The following ARHGEF6 variants were observed in gnomAD, a reference collection of about 807,000 sequenced individuals.
The protein encoded by ARHGEF6 is rho guanine nucleotide exchange factor 6.
ARHGEF6 carries 9 observed loss-of-function variants against 70.3 expected under a neutral mutation model. The observed-to-expected ratio is 0.13, with a 90% CI of 0.08 to 0.22. The LOEUF (loss-of-function observed/expected upper bound fraction) is 0.22, where lower values mean the gene tolerates loss of function less well. Ranked by LOEUF, ARHGEF6 falls within the 10% of genes least tolerant of loss-of-function variation. The probability of loss-of-function intolerance (pLI) is 1.00; values close to 1 mark genes in which losing one functional copy is unlikely to be tolerated. For synonymous variants in ARHGEF6, 201 were observed against 207.8 expected (o/e 0.97, Z 0.28); for missense variants, 470 against 563.0 (o/e 0.83, Z 1.67).
intron 6 of ARHGEF6, among the ~76,000 whole-genome samples, chrX:136,717,242 A>G (rs980975475): frequency 8.9e-6 from 1 of 112,427 alleles, no homozygotes; most frequent in Non-Finnish European, 1.9e-5. Flanking sequence ...GTTTATCTAT[A>G]CAGAAGTTCA....
At chrX:136,675,314 A>G (rs1161368981) in intron 18 of ARHGEF6, among the ~76,000 whole-genome samples, 2 of 98,349 alleles carry the variant, frequency 2.0e-5, no homozygotes, top group African/African-American at 7.7e-5. Flanking sequence ...TGGAGGGCCT[A>G]CTCCTGAAGC....
At chrX:136,712,182 C>T (rs1369097777) in intron 7 of ARHGEF6, among the ~76,000 whole-genome samples, 1 of 111,698 alleles carries the variant, frequency 9.0e-6, no homozygotes, top group Non-Finnish European at 1.9e-5. Context: ...GATTTTGGCT[C>T]ACTGCAGCCT....
At position 136,707,045 on chromosome X, in the gene ARHGEF6, G is replaced by A. The variant is rs970081487; in HGVS notation, c.924-15C>T. ...TTTCTGGAAACCTGTAAACAAAATGGACAAAACACAGAATGTAAAATAGGA... is the reference window on the plus strand; with the variant it reads ...TTTCTGGAAACCTGTAAACAAAATGAACAAAACACAGAATGTAAAATAGGA... On this transcript the variant is annotated splice_polypyrimidine_tract_variant and intron_variant, in intron 8 of 21. Coordinates refer to ENST00000250617, the MANE Select transcript of ARHGEF6 (RefSeq NM_004840.3). The A allele has an allele frequency of 8.3e-7, 1 of 1,209,583 alleles. No homozygotes were observed. The highest frequency in any genetic ancestry group is 1.1e-6 in the Non-Finnish European group (1 of 893,782).
chrX:136,712,212 G>A (rs2148621676), intron 7 of ARHGEF6, among the ~76,000 whole-genome samples: 1 of 111,575 alleles, frequency 9.0e-6, no homozygotes. Context: ...AGGCTCAAGC[G>A]ATTCTCCTGC....
chrX:136,681,945 C>T lies in ARHGEF6; in HGVS notation c.1503G>A (p.Thr501=). The change falls in exon 14 of 22, where the codon ACG becomes ACA. Residue 501 remains threonine (T), a synonymous_variant. Coordinates refer to ENST00000250617, the MANE Select transcript of ARHGEF6 (RefSeq NM_004840.3). ...CAATTTCATCTAATCTAGTCACCAC[C>T]GTTCCTGCTATTGGTATTTTTCCCT... ...IYQGKIPIAG[T]VVTRLDEIEG... is the part of the protein sequence containing the mutation. The T allele has an allele frequency of 1.7e-6, 2 of 1,205,280 alleles. No individual in the cohort carries two copies. Among genetic ancestry groups the T allele is most frequent in the Non-Finnish European group, 1.1e-6 (1 of 889,783 alleles).
At chrX:136,681,069 T>G (rs1054191650) in intron 14 of ARHGEF6, among the ~76,000 whole-genome samples, 193 bp from the exon 15 acceptor site, 1 of 112,445 alleles carries the variant, frequency 8.9e-6, no homozygotes, top group Non-Finnish European at 1.9e-5. Context: ...AAATAAATAT[T>G]CATGTCTGAT....
At chrX:136,733,384 C>A (rs1266158398) in intron 5 of ARHGEF6, among the ~76,000 whole-genome samples, 1 of 110,715 alleles carries the variant, frequency 9.0e-6, no homozygotes, top group South Asian at 3.8e-4. Flanking sequence ...GTCCCACCCC[C>A]AAAAATTTAA....
intron 2 of ARHGEF6, among the ~76,000 whole-genome samples, chrX:136,753,787 G>T (rs913363375): frequency 3.6e-5 from 4 of 111,543 alleles, no homozygotes; most frequent in Non-Finnish European, 7.5e-5. Flanking sequence ...AGCCTAACAT[G>T]CTTACAACCT....
intron 9 of ARHGEF6, among the ~76,000 whole-genome samples, chrX:136,695,183 A>C (rs1028379837): frequency 1.2e-4 from 13 of 112,360 alleles, no homozygotes; most frequent in African/African-American, 4.2e-4. Flanking sequence ...CACTAGATGC[A>C]TGTAAAATAG....
chrX:136,708,918 C>T (rs1181254486), intron 7 of ARHGEF6, 148 bp from the exon 8 acceptor site: 2 of 387,201 alleles, frequency 5.2e-6, no homozygotes, highest in African/African-American at 5.1e-5. Flanking sequence ...TAGGCAGCTT[C>T]TTAAGCTTCT....
intron 20 of ARHGEF6, among the ~76,000 whole-genome samples, chrX:136,669,776 T>G (rs1242350841): frequency 8.9e-6 from 1 of 111,830 alleles, no homozygotes; most frequent in Non-Finnish European, 1.9e-5. Flanking sequence ...ACTTCCCTCC[T>G]CCTTTTCTAC....
At chrX:136,669,268 T>C (rs1216469671) in intron 21 of ARHGEF6, among the ~76,000 whole-genome samples, 4 of 112,064 alleles carry the variant, frequency 3.6e-5, no homozygotes, top group Non-Finnish European at 7.5e-5. Flanking sequence ...GGGACTCTAT[T>C]GTGAACTACT....
At chrX:136,722,347 T>G (rs1373961445) in intron 6 of ARHGEF6, among the ~76,000 whole-genome samples, 1 of 112,208 alleles carries the variant, frequency 8.9e-6, no homozygotes, top group African/African-American at 3.2e-5. Context: ...TAAAAACTTT[T>G]GTGTGTTAAA....
chrX:136,724,570 A>G (rs1455460161), intron 6 of ARHGEF6, among the ~76,000 whole-genome samples: 1 of 111,608 alleles, frequency 9.0e-6, no homozygotes, highest in African/African-American at 3.3e-5. Flanking sequence ...GGCTCACTGC[A>G]GCATTGGCCT....
intron 10 of ARHGEF6, among the ~76,000 whole-genome samples, chrX:136,689,850 T>G (rs1253343792): frequency 9.0e-6 from 1 of 111,008 alleles, no homozygotes; most frequent in African/African-American, 3.3e-5. Flanking sequence ...CCATGAACAA[T>G]CACAAAAGAA....
chrX:136,772,363 A>T (rs905672952), intron 2 of ARHGEF6, among the ~76,000 whole-genome samples: 1 of 112,244 alleles, frequency 8.9e-6, no homozygotes, highest in Non-Finnish European at 1.9e-5. Context: ...ACTATAGTCA[A>T]TAATAATTGT....
intron 2 of ARHGEF6, chrX:136,768,536 C>G: frequency 8.9e-6 from 1 of 112,142 alleles, no homozygotes; most frequent in Non-Finnish European, 1.9e-5. Flanking sequence ...AGACATTACC[C>G]AACCCCTACT....
At chrX:136,687,654 A>T (rs2076417900) in intron 11 of ARHGEF6, among the ~76,000 whole-genome samples, 1 of 112,074 alleles carries the variant, frequency 8.9e-6, no homozygotes, top group Non-Finnish European at 1.9e-5. Context: ...ACAAAGAGAC[A>T]AAAGGAAACC....
intron 6 of ARHGEF6, among the ~76,000 whole-genome samples, chrX:136,714,691 A>G (rs1455429513): frequency 1.8e-5 from 2 of 111,844 alleles, no homozygotes; most frequent in Non-Finnish European, 3.8e-5. Context: ...AATGGTCAAA[A>G]CAAGTGGAGA....
Sources: allele counts gnomAD v4.1 joint callset (sites outside exome capture counted in the v4.1 genomes callset), GRCh38; gene constraint gnomAD v4.1.1; transcripts MANE v1.5; gene names NCBI Gene and HGNC (gene_info 2026-07-23, HGNC 2026-07-21).